Variants in SLX9 observed in about 807,000 individuals in gnomAD.
The protein encoded by SLX9 is SLX9 ribosome biogenesis factor, also known as ribosome biogenesis protein SLX9 homolog.
SLX9 carries 19 observed loss-of-function variants against 20.8 expected under a neutral mutation model. That is an observed-to-expected ratio of 0.91 (90% CI 0.64 to 1.34). SLX9 has a LOEUF of 1.34. Ranked by LOEUF, SLX9 falls within the 40% of genes most tolerant of loss-of-function variation. The pLI is 0.00. For missense variants in SLX9, 299 were observed against 322.2 expected (o/e 0.93, Z 0.55); for synonymous variants, 113 against 137.1 (o/e 0.82, Z 1.23).
Position 44,969,282 on chromosome 21 carries a change from CGATG to C in SLX9, c.500+2102_500+2105del. 4 of 451,224 alleles carry C rather than the reference CGATG, an allele frequency of 8.9e-6. No individual in the cohort carries two copies. In the Admixed American group the frequency reaches 9.6e-5, roughly 11 times the overall value. 28.0% of individuals were successfully genotyped at this position (451,224 alleles called of 1,614,324 possible). On this transcript the variant is annotated intron_variant, in intron 4 of 5. Coordinates refer to ENST00000291634, the MANE Select transcript of SLX9 (RefSeq NM_058190.4). ...GAATAGGAGCGGCCGCCCGGAGTGGCGATGTGATGACCGAACATTCCTGGTTCTT... is the reference window on the plus strand; with the variant it reads ...GAATAGGAGCGGCCGCCCGGAGTGGCTGATGACCGAACATTCCTGGTTCTT...
At chr21:44,967,763 G>A (rs2085065289) in intron 4 of SLX9, among the ~76,000 whole-genome samples, 2 of 152,174 alleles carry the variant, frequency 1.3e-5, no homozygotes, top group South Asian at 4.1e-4. Flanking sequence ...CTCATGCAGG[G>A]CCCTGGGACA....
At chr21:44,972,999 C>T (rs893238732) in intron 4 of SLX9, 198 bp from the exon 5 acceptor site, 34 of 671,210 alleles carry the variant, frequency 5.1e-5, no homozygotes, top group Non-Finnish European at 8.2e-5. Flanking sequence ...GGTCACAGGA[C>T]GGTCAGGCAG....
chr21:44,975,385 G>A (rs1381774412), intron 5 of SLX9, among the ~76,000 whole-genome samples: 1 of 152,240 alleles, frequency 6.6e-6, no homozygotes, highest in Non-Finnish European at 1.5e-5. Flanking sequence ...TGTCCAGGAT[G>A]GCATCTGGAG....
Position 44,963,340 on chromosome 21 carries a change from G to C in SLX9, c.352+3172G>C, listed in dbSNP as rs150279350. Among the ~76,000 whole-genome samples, 498 of 151,272 alleles carry C rather than the reference G, an allele frequency of 3.3e-3. 2 individuals are homozygous for C. Among genetic ancestry groups the C allele is most frequent in the Middle Eastern group, 0.01 (3 of 286 alleles). The stretch of plus-strand genomic sequence containing the variant: ...CTTGACCTCGTGATCCGCCCGCCTT[G>C]GCCTCCCAAAGTGCTCGGATTACAG... On this transcript the variant is annotated intron_variant, in intron 3 of 5. Coordinates refer to ENST00000291634, the MANE Select transcript of SLX9 (RefSeq NM_058190.4).
rs2084925716 is a variant in SLX9 at position 44,960,013 on chromosome 21, G to A, written c.284-87G>A. On this transcript the variant is annotated intron_variant, in intron 2 of 5. Coordinates refer to ENST00000291634, the MANE Select transcript of SLX9 (RefSeq NM_058190.4). The stretch of plus-strand genomic sequence containing the variant: ...CAGTTGCAGTGACTGTGGCAGCTCT[G>A]CAGTCAGGACCCGCCCCAGCCCATT... 3.4e-6 allele frequency: 4 copies of A among 1,173,174 alleles called. No homozygotes were observed. The Admixed American group carries it at 6.9e-5, about 20-fold the overall frequency. The allele number at this position is 1,173,174 out of a possible 1,614,324, so 72.7% of individuals were successfully genotyped here. A position where few individuals can be genotyped will look rare whatever the true frequency, so the allele number is the denominator to read the frequency against.
intron 1 of SLX9, among the ~76,000 whole-genome samples, chr21:44,941,000 C>T (rs1388454583): frequency 7.3e-6 from 1 of 137,422 alleles, no homozygotes; most frequent in Non-Finnish European, 1.5e-5. Context: ...TTCTGCCAGC[C>T]CAGAGGTGCT....
intron 2 of SLX9, among the ~76,000 whole-genome samples, chr21:44,957,539 T>C (rs937478915): frequency 1.3e-5 from 2 of 152,254 alleles, no homozygotes; most frequent in Non-Finnish European, 2.9e-5. Context: ...AGGAGCACCC[T>C]GGATACCACC....
chr21:44,976,529 C>T (rs2085266149), intron 5 of SLX9, 151 bp from the exon 6 acceptor site: 2 of 1,257,750 alleles, frequency 1.6e-6, no homozygotes, highest in Admixed American at 2.8e-5. Flanking sequence ...AGCCTCTCCC[C>T]TCCTGCCGGA....
In SLX9 at chr21:44,970,085, C is replaced by A. The variant is rs149816408; in HGVS notation, c.500+2904C>A. ...GACTCACCGTGAGGCTGAGCTGGCCCCTGCTGGGTTGAGACCCCCCCTCCA... is the reference window on the plus strand; with the variant it reads ...GACTCACCGTGAGGCTGAGCTGGCCACTGCTGGGTTGAGACCCCCCCTCCA... On this transcript the variant is annotated intron_variant, in intron 4 of 5. Transcript: ENST00000291634. Among the ~76,000 whole-genome samples the A allele has an allele frequency of 7.1e-3, 1,083 of 152,242 alleles. 15 individuals are homozygous for A. The highest frequency in any genetic ancestry group is 0.025 in the African/African-American group (1,026 of 41,474).
intron 2 of SLX9, among the ~76,000 whole-genome samples, chr21:44,950,324 C>T (rs1352311660): frequency 2.0e-5 from 3 of 151,680 alleles, no homozygotes; most frequent in African/African-American, 7.3e-5. Context: ...GTACTTGTTG[C>T]TTATATCTAC....
chr21:44,942,692 A>C (rs957625164), intron 1 of SLX9, among the ~76,000 whole-genome samples: 2 of 152,200 alleles, frequency 1.3e-5, no homozygotes, highest in Non-Finnish European at 2.9e-5. Context: ...CTTATAAGGA[A>C]ATGAAGACAA....
intron 4 of SLX9, among the ~76,000 whole-genome samples, chr21:44,970,508 T>G (rs2225437): frequency 1 from 152,248 of 152,248 alleles, 76,124 homozygotes; most frequent in Non-Finnish European, 1. Flanking sequence ...CCCTGGCCCC[T>G]GTATTGCAGG....
intron 2 of SLX9, among the ~76,000 whole-genome samples, chr21:44,946,254 T>A (rs569052784): frequency 6.6e-6 from 1 of 150,914 alleles, no homozygotes; most frequent in South Asian, 2.1e-4. Flanking sequence ...ATTTTTTTCT[T>A]AATTCACATA....
chr21:44,941,981 A>G (rs1239558249), intron 1 of SLX9, among the ~76,000 whole-genome samples: 2 of 152,222 alleles, frequency 1.3e-5, no homozygotes, highest in Admixed American at 6.5e-5. Flanking sequence ...TCAGGACACC[A>G]GAGATGGGGC....
rs2084885282 is a variant in SLX9 at position 44,957,812 on chromosome 21, G to A, written c.284-2288G>A. 2.6e-5 allele frequency among the ~76,000 whole-genome samples: 4 copies of A among 152,370 alleles called. 1 individual carries two copies. The South Asian group carries it at 8.3e-4, about 32-fold the overall frequency. Reference sequence around the variant, plus strand: ...TCAGCCACTGGCTGGGGTTCTGTGAGGTTCAGTTTAATGGGGACTTGCCCG... The same window carrying A: ...TCAGCCACTGGCTGGGGTTCTGTGAAGTTCAGTTTAATGGGGACTTGCCCG... On this transcript the variant is annotated intron_variant, in intron 2 of 5. Coordinates refer to ENST00000291634, the MANE Select transcript of SLX9 (RefSeq NM_058190.4).
At chr21:44,955,908 C>G (rs1050032287) in intron 2 of SLX9, among the ~76,000 whole-genome samples, 1 of 152,244 alleles carries the variant, frequency 6.6e-6, no homozygotes, top group Non-Finnish European at 1.5e-5. Context: ...CAGGCGTTAC[C>G]AGGTTGCCTA....
At chr21:44,943,609 C>T (rs2084588396) in intron 1 of SLX9, 75 bp from the exon 2 acceptor site, 2 of 1,576,950 alleles carry the variant, frequency 1.3e-6, no homozygotes, top group African/African-American at 1.3e-5. Context: ...CTTCTCCTCA[C>T]CTTTAACGTC....
At chr21:44,947,068 G>A (rs1191524656) in intron 2 of SLX9, among the ~76,000 whole-genome samples, 3 of 152,212 alleles carry the variant, frequency 2.0e-5, no homozygotes, top group Admixed American at 1.3e-4. Context: ...CATCTTGGCT[G>A]CTCCTCACCA....
intron 2 of SLX9, among the ~76,000 whole-genome samples, chr21:44,957,370 C>T (rs73378619): frequency 0.031 from 4,732 of 152,296 alleles, 252 homozygotes; most frequent in African/African-American, 0.11. Context: ...TGCTCGTGAG[C>T]CCGGTGCCTC....
Sources: allele counts gnomAD v4.1 joint callset (sites outside exome capture counted in the v4.1 genomes callset), GRCh38; gene constraint gnomAD v4.1.1; transcripts MANE v1.5; gene names NCBI Gene and HGNC (gene_info 2026-07-23, HGNC 2026-07-21).